Variants in KCNH5 observed in about 807,000 individuals in gnomAD.
KCNH5 encodes the protein potassium voltage-gated channel subfamily H member 5, also known as voltage-gated delayed rectifier potassium channel KCNH5.
KCNH5 carries 46 observed loss-of-function variants against 96.1 expected under a neutral mutation model. That is an observed-to-expected ratio of 0.48 (90% confidence interval 0.38 to 0.61). The LOEUF (loss-of-function observed/expected upper bound fraction) is 0.61, where lower values mean the gene tolerates loss of function less well. KCNH5 is among the 20% of genes least tolerant of loss of function. KCNH5 has a pLI of 0.00. For synonymous variants in KCNH5, 439 were observed against 449.8 expected, an observed-to-expected ratio of 0.98 and a Z score of 0.30; for missense variants, 907 against 1,225.8, an observed-to-expected ratio of 0.74 and a Z score of 3.88.
At chr14:62,913,736 C>G (rs1286230476) in intron 7 of KCNH5, among the ~76,000 whole-genome samples, 1 of 152,088 alleles carries the variant, frequency 6.6e-6, no homozygotes, top group Non-Finnish European at 1.5e-5. Context: ...AGCATTGTTT[C>G]TTAATGATTA....
chr14:62,896,385 C>T (rs1888813020), intron 7 of KCNH5, among the ~76,000 whole-genome samples: 1 of 152,130 alleles, frequency 6.6e-6, no homozygotes, highest in African/African-American at 2.4e-5. Context: ...GGAGTGAGTA[C>T]AAGATGGAGG....
At chr14:62,759,042 T>C (rs1383849149) in intron 10 of KCNH5, among the ~76,000 whole-genome samples, 1 of 151,432 alleles carries the variant, frequency 6.6e-6, no homozygotes, top group Non-Finnish European at 1.5e-5. Context: ...CTCAAATTTT[T>C]AGTTCTGAGA....
intron 8 of KCNH5, among the ~76,000 whole-genome samples, chr14:62,841,417 T>C (rs1292666806): frequency 2.6e-5 from 4 of 152,156 alleles, no homozygotes; most frequent in Non-Finnish European, 4.4e-5. Context: ...AATACAATAA[T>C]AGGTTGGATA....
chr14:62,815,938 G>A (rs1886968841), intron 8 of KCNH5, among the ~76,000 whole-genome samples: 1 of 151,768 alleles, frequency 6.6e-6, no homozygotes, highest in Admixed American at 6.6e-5. Flanking sequence ...AGTAGTAAAT[G>A]AAGTAAAGAA....
intron 7 of KCNH5, among the ~76,000 whole-genome samples, chr14:62,902,719 C>CT (rs34264011): frequency 9.6e-4 from 139 of 144,774 alleles, no homozygotes; most frequent in Non-Finnish European, 7.3e-4. Context: ...ATATCTATGT[C>CT]TTTTTTTTTT....
At chr14:62,974,125 T>A (rs948965725) in intron 6 of KCNH5, among the ~76,000 whole-genome samples, 4 of 152,246 alleles carry the variant, frequency 2.6e-5, no homozygotes, top group Non-Finnish European at 4.4e-5. Flanking sequence ...TTTATATACT[T>A]CCACTTAGCA....
chr14:63,009,109 T>C (rs1329979061), intron 2 of KCNH5, among the ~76,000 whole-genome samples: 2 of 152,174 alleles, frequency 1.3e-5, no homozygotes, highest in East Asian at 1.9e-4. Context: ...TGAAACATAA[T>C]ATTCGCAATT....
intron 1 of KCNH5, among the ~76,000 whole-genome samples, chr14:63,043,910 G>C (rs1276665648): frequency 6.6e-6 from 1 of 152,064 alleles, no homozygotes; most frequent in Non-Finnish European, 1.5e-5. Flanking sequence ...CTCCAACTAG[G>C]CAAGGAGCCT....
At chr14:63,037,822 T>TAA (rs1466446651) in intron 1 of KCNH5, among the ~76,000 whole-genome samples, 1 of 152,160 alleles carries the variant, frequency 6.6e-6, no homozygotes, top group Non-Finnish European at 1.5e-5. Flanking sequence ...AGAAGGTACT[T>TAA]AAGCAGGTAA....
At chr14:62,946,225 A>C (rs552373571) in intron 7 of KCNH5, among the ~76,000 whole-genome samples, 1 of 152,152 alleles carries the variant, frequency 6.6e-6, no homozygotes, top group South Asian at 2.1e-4. Context: ...ATAGAAAAAC[A>C]GAAATCTAGG....
chr14:62,853,470 T>TC (rs140776476), intron 7 of KCNH5, among the ~76,000 whole-genome samples: 2 of 128,808 alleles, frequency 1.6e-5, no homozygotes, highest in Non-Finnish European at 3.3e-5. Flanking sequence ...TATATATATA[T>TC]ATATATATAT....
At chr14:62,799,580 A>G (rs750245553) in intron 9 of KCNH5, among the ~76,000 whole-genome samples, 1 of 145,942 alleles carries the variant, frequency 6.9e-6, no homozygotes, top group Non-Finnish European at 1.5e-5. Context: ...TCTCAAAAAA[A>G]AAAAAAAAAA....
intron 8 of KCNH5, among the ~76,000 whole-genome samples, chr14:62,839,338 A>G (rs780564440): frequency 6.6e-6 from 1 of 152,182 alleles, no homozygotes; most frequent in African/African-American, 2.4e-5. Context: ...ACACTTATTC[A>G]TAATAAATAA....
At chr14:62,947,658 C>T (rs924304457) in intron 7 of KCNH5, among the ~76,000 whole-genome samples, 1 of 151,828 alleles carries the variant, frequency 6.6e-6, no homozygotes, top group African/African-American at 2.4e-5. Flanking sequence ...AGAACTTTTG[C>T]CATCAATGTC....
chr14:62,867,251 C>T (rs1205051020), intron 7 of KCNH5, among the ~76,000 whole-genome samples: 1 of 152,124 alleles, frequency 6.6e-6, no homozygotes, highest in Admixed American at 6.5e-5. Flanking sequence ...TAGCCTCTGC[C>T]GCACCAAGGT....
intron 7 of KCNH5, among the ~76,000 whole-genome samples, chr14:62,857,713 T>C (rs1408265940): frequency 1.3e-5 from 2 of 152,174 alleles, no homozygotes; most frequent in Admixed American, 1.3e-4. Flanking sequence ...GGCAGCTGAT[T>C]AGATGGTGCC....
chr14:62,805,560 A>G lies in KCNH5; in HGVS notation c.1570-2979T>C, dbSNP rs572547053. Among the ~76,000 whole-genome samples, 28 of 152,260 alleles carry G rather than the reference A, an allele frequency of 1.8e-4. 1 individual carries two copies. The South Asian group carries it at 5.8e-3, about 32-fold the overall frequency. ...AAGTATCTTGTTATTTACTCTGGAA[A>G]TGAAATGTTAATCACAGTCTTAGCC... On this transcript the variant is annotated intron_variant, in intron 8 of 10. Transcript: ENST00000322893.
At chr14:62,869,622 G>C (rs1196878475) in intron 7 of KCNH5, among the ~76,000 whole-genome samples, 2 of 152,094 alleles carry the variant, frequency 1.3e-5, no homozygotes, top group Non-Finnish European at 2.9e-5. Flanking sequence ...GTCCTGAATG[G>C]TATTGCCTAG....
At chr14:62,725,204 G>A (rs1456250931) in intron 10 of KCNH5, among the ~76,000 whole-genome samples, 2 of 151,984 alleles carry the variant, frequency 1.3e-5, no homozygotes, top group Admixed American at 6.6e-5. Context: ...ATTTATCCAC[G>A]TAACTCAAAG....
Sources: gnomAD v4.1 joint callset for allele counts (sites outside exome capture counted in the v4.1 genomes callset) on GRCh38, gnomAD v4.1.1 for gene constraint, MANE v1.5 for transcripts, NCBI Gene and HGNC (gene_info 2026-07-23, HGNC 2026-07-21) for gene names.